The following XRN1 variants were observed in gnomAD, a reference collection of about 807,000 sequenced individuals.
The protein encoded by XRN1 is strand-exchange protein 1 homolog.
XRN1 carries 67 observed loss-of-function variants against 222.3 expected under a neutral mutation model. The ratio of observed to expected loss-of-function variants is 0.30; its 90% CI spans 0.25 to 0.37. The LOEUF (loss-of-function observed/expected upper bound fraction) is 0.37, where lower values mean the gene tolerates loss of function less well. Among genes scored for constraint, XRN1 ranks in the 10% least tolerant of loss-of-function variants. XRN1 has a pLI of 1.00. For synonymous variants in XRN1, 643 were observed against 652.4 expected, an observed-to-expected ratio of 0.99 and a Z score of 0.22; for missense variants, 1,707 against 2,000.2, an observed-to-expected ratio of 0.85 and a Z score of 2.80.
chr3:142,386,789 G>A lies in XRN1; in HGVS notation c.2340-2104C>T, dbSNP rs77701024. Among the ~76,000 whole-genome samples the A allele has an allele frequency of 6.1e-3, 926 of 152,162 alleles. 8 individuals carry two copies. The highest frequency in any genetic ancestry group is 0.021 in the African/African-American group (855 of 41,534). ...GGAAATGCAAATTAAAGCAAAATGA[G>A]ATACTACTACTATACCAAAATGGCT... On this transcript the variant is annotated intron_variant, in intron 20 of 40. Transcript: ENST00000392981.
Position 142,318,862 on chromosome 3 carries a change from C to T in XRN1, c.4446G>A (p.Leu1482=), listed in dbSNP as rs763913112. Residue 1482 remains leucine, a synonymous_variant, in exon 38 of 41, where the codon CTG becomes CTA. Transcript: ENST00000392981. The part of the protein sequence containing the change: ...VCQVKLSNGL[L]VHGPQCHSEN... Reference sequence around the variant, plus strand: ...CAGAGTGGCACTGTGGCCCATGTACCAGTAAGCCATTAGATAATTTTACTT... The same window carrying T: ...CAGAGTGGCACTGTGGCCCATGTACTAGTAAGCCATTAGATAATTTTACTT... 4 of 1,613,722 alleles carry T rather than the reference C, an allele frequency of 2.5e-6. No homozygotes were observed. In the East Asian group the frequency reaches 6.7e-5, roughly 27 times the overall value.
chr3:142,314,282 A>C (rs1295509390), intron 39 of XRN1, among the ~76,000 whole-genome samples: 3 of 152,220 alleles, frequency 2.0e-5, no homozygotes, highest in Non-Finnish European at 4.4e-5. Context: ...GACCAAAAGC[A>C]TTCCAATTAT....
chr3:142,369,233 A>G (rs1219698516), intron 27 of XRN1, among the ~76,000 whole-genome samples: 1 of 152,246 alleles, frequency 6.6e-6, no homozygotes, highest in African/African-American at 2.4e-5. Context: ...TTTTCTATAG[A>G]TAAAACAACG....
chr3:142,352,076 C>G (rs1366716704), intron 32 of XRN1, among the ~76,000 whole-genome samples: 1 of 152,160 alleles, frequency 6.6e-6, no homozygotes, highest in East Asian at 1.9e-4. Flanking sequence ...TCATTCTACT[C>G]CTCCTCAGTT....
intron 13 of XRN1, 56 bp from the exon 14 acceptor site, chr3:142,414,347 A>T (rs2068703967): frequency 7.6e-7 from 1 of 1,319,756 alleles, no homozygotes; most frequent in East Asian, 2.5e-5. Context: ...TAGGTTAATA[A>T]TAAACATATA....
intron 30 of XRN1, 136 bp from the exon 31 acceptor site, chr3:142,357,255 C>G: frequency 1.4e-6 from 1 of 739,522 alleles, no homozygotes; most frequent in Non-Finnish European, 2.2e-6. Context: ...AGAGGAACCT[C>G]AAATCACAGC....
At chr3:142,421,672 A>T in intron 8 of XRN1, 129 bp from the exon 9 acceptor site, 1 of 550,040 alleles carries the variant, frequency 1.8e-6, no homozygotes, top group South Asian at 4.1e-5. Flanking sequence ...ACAGTGTTGG[A>T]CTATATCCAA....
chr3:142,368,756 A>G lies in XRN1; in HGVS notation c.3204+1729T>C, dbSNP rs538199725. 8.5e-5 allele frequency among the ~76,000 whole-genome samples: 13 copies of G among 152,296 alleles called. 1 individual carries two copies. The South Asian group carries it at 2.5e-3, about 29-fold the overall frequency. On this transcript the variant is annotated intron_variant, in intron 27 of 40. Coordinates refer to ENST00000392981, the MANE Select transcript of XRN1 (RefSeq NM_001282857.2). ...TTAAACTCTTGGCTCTGAGCCTTAT[A>G]TTTTTTCCTAAAGAGAAAAAGAGTC...
At chr3:142,361,961 CTCTT>C (rs1272292216) in intron 29 of XRN1, among the ~76,000 whole-genome samples, 1 of 99,970 alleles carries the variant, frequency 1.0e-5, no homozygotes, top group Non-Finnish European at 2.0e-5. Flanking sequence ...TTCTTTTTCT[CTCTT>C]TTTTTTTTTT....
chr3:142,363,852 T>C (rs549639287), intron 29 of XRN1, among the ~76,000 whole-genome samples: 8 of 152,006 alleles, frequency 5.3e-5, no homozygotes, highest in South Asian at 4.1e-4. Context: ...TTGATTGGGA[T>C]TTCTTTGACT....
At chr3:142,348,412 C>T (rs974945088) in intron 32 of XRN1, among the ~76,000 whole-genome samples, 3 of 152,056 alleles carry the variant, frequency 2.0e-5, no homozygotes, top group African/African-American at 7.2e-5. Flanking sequence ...GATAAAGTTA[C>T]AGTGATTGAG....
intron 40 of XRN1, 21 bp downstream of exon 40, chr3:142,312,577 T>A (rs1275823152): frequency 2.6e-6 from 4 of 1,520,962 alleles, no homozygotes; most frequent in African/African-American, 1.4e-5. Flanking sequence ...ATAATTATCT[T>A]AAAAATATTA....
In XRN1 at chr3:142,384,696, G is replaced by T; in HGVS notation, c.2340-11C>A. The T allele has an allele frequency of 6.4e-7, 1 of 1,562,866 alleles. No homozygotes were observed. Among genetic ancestry groups the T allele is most frequent in the Non-Finnish European group, 8.7e-7 (1 of 1,151,992 alleles). ...TTTCTTCTCAGGTAGCTAAAATAAA[G>T]AATAAACATGAAATATACATATGAA... On this transcript the variant is annotated splice_polypyrimidine_tract_variant and intron_variant, in intron 20 of 40. Transcript: ENST00000392981.
intron 32 of XRN1, among the ~76,000 whole-genome samples, chr3:142,348,248 T>C (rs1020999354): frequency 2.0e-5 from 3 of 152,172 alleles, no homozygotes; most frequent in African/African-American, 7.2e-5. Flanking sequence ...AAATTGAGGA[T>C]GTTAGCACAC....
chr3:142,354,034 A>T (rs1325272348), intron 32 of XRN1, among the ~76,000 whole-genome samples: 1 of 152,190 alleles, frequency 6.6e-6, no homozygotes, highest in African/African-American at 2.4e-5. Flanking sequence ...CAGCACATAT[A>T]CTAAAATTGG....
chr3:142,422,129 G>A (rs1341039226), intron 8 of XRN1, among the ~76,000 whole-genome samples: 1 of 152,144 alleles, frequency 6.6e-6, no homozygotes, highest in East Asian at 1.9e-4. Flanking sequence ...TGAGGCCGAA[G>A]TTTGAGACCA....
At chr3:142,323,583 T>C (rs1195198010) in intron 37 of XRN1, among the ~76,000 whole-genome samples, 3 of 152,210 alleles carry the variant, frequency 2.0e-5, no homozygotes, top group African/African-American at 4.8e-5. Flanking sequence ...TATGAGGACA[T>C]AGATTTCTAC....
intron 20 of XRN1, among the ~76,000 whole-genome samples, chr3:142,392,585 T>C (rs2107984081): frequency 6.6e-6 from 1 of 151,964 alleles, no homozygotes; most frequent in Non-Finnish European, 1.5e-5. Flanking sequence ...TTTGGTTTTT[T>C]GTTCTTGCGA....
At chr3:142,401,021 TTA>T (rs1272229408) in intron 18 of XRN1, among the ~76,000 whole-genome samples, 29 of 152,142 alleles carry the variant, frequency 1.9e-4, no homozygotes, top group African/African-American at 7.0e-4. Flanking sequence ...ATTATCTTCC[TTA>T]TTTTTTTATG....
Sources: gnomAD v4.1 joint callset for allele counts (sites outside exome capture counted in the v4.1 genomes callset) on GRCh38, gnomAD v4.1.1 for gene constraint, MANE v1.5 for transcripts, NCBI Gene and HGNC (gene_info 2026-07-23, HGNC 2026-07-21) for gene names.